Variants in TRMT11 observed in about 807,000 individuals in gnomAD.
TRMT11 encodes the protein tRNA (guanine(10)-N(2))-methyltransferase TRMT11.
A neutral mutation model predicts 62.8 loss-of-function variants in TRMT11; 53 were observed. That is an observed-to-expected ratio of 0.84 (90% CI 0.68 to 1.06). The LOEUF is 1.06. TRMT11 is among the 50% of genes least tolerant of loss of function. TRMT11 has a pLI of 0.00. For missense variants in TRMT11, 556 were observed against 553.4 expected (o/e 1.00, Z -0.05); for synonymous variants, 188 against 190.3 (o/e 0.99, Z 0.10).
At chr6:126,207,251 C>G (rs1778799185), downstream of TRMT11, among the ~76,000 whole-genome samples, 1 of 152,036 alleles carries the variant, frequency 6.6e-6, no homozygotes, top group African/African-American at 2.4e-5. Flanking sequence ...CAGAGGTCTC[C>G]CAGGAATTGT....
chr6:125,993,117 T>C (rs989285190), intron 1 of TRMT11, among the ~76,000 whole-genome samples: 1 of 152,102 alleles, frequency 6.6e-6, no homozygotes, highest in African/African-American at 2.4e-5. Context: ...TATGGAAGAG[T>C]GTGATTCTAC....
At chr6:126,229,422 A>G in the TRMT11 span, among the ~76,000 whole-genome samples, 3 of 152,198 alleles carry the variant, frequency 2.0e-5, no homozygotes, top group Admixed American at 1.3e-4. Context: ...GACAGCTTAA[A>G]TGTATTTATA....
At chr6:126,147,886 G>T (rs1777991856) in intron 21 of TRMT11, among the ~76,000 whole-genome samples, 1 of 151,918 alleles carries the variant, frequency 6.6e-6, no homozygotes, top group Non-Finnish European at 1.5e-5. Flanking sequence ...TCACACACTG[G>T]GGCCTGTCGT....
At chr6:126,194,809 A>G (rs935619921) in intron 1 of TRMT11, among the ~76,000 whole-genome samples, 3 of 152,148 alleles carry the variant, frequency 2.0e-5, no homozygotes, top group Non-Finnish European at 4.4e-5. Context: ...TAATTTACCT[A>G]TCACCTGCAG....
intron 21 of TRMT11, among the ~76,000 whole-genome samples, chr6:126,133,164 G>C (rs924205415): frequency 6.6e-6 from 1 of 151,972 alleles, no homozygotes; most frequent in Admixed American, 6.6e-5. Context: ...GTTTCCGAAA[G>C]CCACTAAACT....
downstream of TRMT11, among the ~76,000 whole-genome samples, chr6:126,207,028 T>C (rs1325297001): frequency 6.6e-6 from 1 of 152,236 alleles, no homozygotes; most frequent in Non-Finnish European, 1.5e-5. Flanking sequence ...GTTTAATATC[T>C]CTAGTGGACA....
At chr6:126,116,120 T>C (rs1583879591) in intron 21 of TRMT11, among the ~76,000 whole-genome samples, 1 of 150,694 alleles carries the variant, frequency 6.6e-6, no homozygotes, top group East Asian at 2.0e-4. Context: ...TGTACCTAAC[T>C]CAAAATGCCT....
intron 16 of TRMT11, among the ~76,000 whole-genome samples, chr6:126,047,132 G>A (rs940344421): frequency 1.2e-4 from 19 of 152,062 alleles, no homozygotes; most frequent in Admixed American, 1.1e-3. Context: ...TACTGATATG[G>A]ACAGGAGGCA....
At chr6:126,094,625 T>A (rs940563057) in intron 17 of TRMT11, among the ~76,000 whole-genome samples, 1 of 152,192 alleles carries the variant, frequency 6.6e-6, no homozygotes, top group African/African-American at 2.4e-5. Context: ...TTGGCGGGCA[T>A]AGAGAATGCC....
rs550618388 is a variant in TRMT11 at position 126,082,447 on chromosome 6, G to A, written c.*1437+29257G>A. ...GTAATAGCAATGGACCATTCACTTT[G>A]TGTTCTCTTGTTGGAAGACTTGGTT... On this transcript the variant is annotated intron_variant and NMD_transcript_variant, in intron 17 of 22. Coordinates refer to the TRMT11 transcript ENST00000648977. Among the ~76,000 whole-genome samples, 69 of 152,146 alleles carry A rather than the reference G, an allele frequency of 4.5e-4. No homozygotes were observed. The South Asian group carries it at 0.014, about 31-fold the overall frequency.
intron 21 of TRMT11, among the ~76,000 whole-genome samples, chr6:126,136,943 A>G (rs1777857449): frequency 7.6e-6 from 1 of 132,262 alleles, no homozygotes; most frequent in Non-Finnish European, 1.8e-5. Context: ...ATGTAGAAAA[A>G]TGAAAAAAAA....
At chr6:126,051,828 G>A (rs1776227750) in intron 16 of TRMT11, among the ~76,000 whole-genome samples, 1 of 152,136 alleles carries the variant, frequency 6.6e-6, no homozygotes, top group Non-Finnish European at 1.5e-5. Flanking sequence ...GAACTGCATA[G>A]CAGGCTTTTG....
chr6:126,191,877 T>G (rs889026724), intron 1 of TRMT11, among the ~76,000 whole-genome samples: 1 of 152,152 alleles, frequency 6.6e-6, no homozygotes, highest in Admixed American at 6.5e-5. Context: ...ACAGGTAGTG[T>G]GATTATTCCA....
At chr6:126,167,957 G>C (rs1448264988) in intron 21 of TRMT11, among the ~76,000 whole-genome samples, 2 of 152,216 alleles carry the variant, frequency 1.3e-5, no homozygotes, top group African/African-American at 4.8e-5. Context: ...ATGTTGGAAA[G>C]AGGAGGTTTT....
At chr6:126,189,235 G>A (rs1343617952) in intron 1 of TRMT11, among the ~76,000 whole-genome samples, 1 of 152,096 alleles carries the variant, frequency 6.6e-6, no homozygotes, top group African/African-American at 2.4e-5. Context: ...GTTTCCTTCT[G>A]TATAATGATG....
intron 3 of TRMT11, among the ~76,000 whole-genome samples, chr6:126,200,643 C>T (rs563278079): frequency 2.6e-5 from 4 of 152,272 alleles, no homozygotes; most frequent in South Asian, 4.1e-4. Context: ...CAAGCTCCGC[C>T]TCTTGGGTTC....
At position 126,011,342 on chromosome 6, in the gene TRMT11, C is replaced by G. The variant is rs758906331; in HGVS notation, c.850C>G (p.Leu284Val). The G allele has an allele frequency of 1.9e-6, 3 of 1,613,192 alleles. No individual in the cohort carries two copies. Among genetic ancestry groups the G allele is most frequent in the Non-Finnish European group, 2.5e-6 (3 of 1,179,378 alleles). The change falls in exon 9 of 13, where the codon CTT becomes GTT. Residue 284 changes from leucine (L) to valine (V), a missense_variant. Physicochemically the swap from Leu to Val is conservative, Grantham distance 32 (BLOSUM62 1). Coordinates refer to ENST00000334379, the MANE Select transcript of TRMT11 (RefSeq NM_001031712.3). Reference sequence around the variant, plus strand: ...TCAATATGGTTTAGAGAAGTATTACCTTGATGTCCTGGTTTCAGATGCATC... The same window carrying G: ...TCAATATGGTTTAGAGAAGTATTACGTTGATGTCCTGGTTTCAGATGCATC... ...LRQYGLEKYY[L>V]DVLVSDASKP... is the part of the protein sequence containing the mutation.
chr6:126,168,250 G>C (rs1778290770), intron 21 of TRMT11, among the ~76,000 whole-genome samples: 1 of 152,162 alleles, frequency 6.6e-6, no homozygotes, highest in Non-Finnish European at 1.5e-5. Flanking sequence ...AGTGTTAGGG[G>C]GAGTTCTTTA....
At chr6:126,060,611 T>G (rs1290286940) in intron 17 of TRMT11, among the ~76,000 whole-genome samples, 4 of 152,256 alleles carry the variant, frequency 2.6e-5, no homozygotes, top group African/African-American at 9.6e-5. Flanking sequence ...CCAGAGAGTC[T>G]GGGTTGGCCC....
Sources: gnomAD v4.1 joint callset for allele counts (sites outside exome capture counted in the v4.1 genomes callset) on GRCh38, gnomAD v4.1.1 for gene constraint, MANE v1.5 for transcripts, NCBI Gene and HGNC (gene_info 2026-07-23, HGNC 2026-07-21) for gene names.